Variants in CHODL observed in about 807,000 individuals in gnomAD.
CHODL encodes chondrolectin, also known as transmembrane protein MT75.
Under a neutral mutation model 34.5 loss-of-function variants are expected in CHODL, and 29 were observed. The observed-to-expected ratio is 0.84, with a 90% CI of 0.63 to 1.15. The LOEUF (loss-of-function observed/expected upper bound fraction) is 1.15. Ranked by LOEUF, CHODL falls within the 50% of genes most tolerant of loss-of-function variation. The pLI is 0.00. For missense variants in CHODL, 332 were observed against 332.5 expected (o/e 1.00, Z 0.01); for synonymous variants, 125 against 116.1 (o/e 1.08, Z -0.49).
At chr21:18,193,376 C>T (rs541155645) in intron 2 of CHODL, among the ~76,000 whole-genome samples, 7 of 152,138 alleles carry the variant, frequency 4.6e-5, no homozygotes, top group South Asian at 2.1e-4. Context: ...CAAAGCATTT[C>T]GTAGAAATCA....
intron 2 of CHODL, among the ~76,000 whole-genome samples, chr21:18,062,102 A>T (rs1311178018): frequency 1.3e-5 from 2 of 152,180 alleles, no homozygotes; most frequent in Non-Finnish European, 2.9e-5. Context: ...GAATATAAAA[A>T]GTAAAGAACC....
rs1353551543 is a variant in CHODL at position 18,262,838 on chromosome 21, C to T, written c.682C>T (p.Leu228Phe). The change falls in exon 5 of 6, where the codon CTC (leucine) becomes TTC (phenylalanine). Residue 228 changes from leucine to phenylalanine, a missense_variant. Leu to Phe is a conservative substitution (Grantham distance 22). Transcript: ENST00000299295. ...TGTTGTTATACCAACAATACCCCTG[C>T]TCTTACTGATACTGGTTGCTTTTGG... The part of the protein sequence containing the change: ...IYVVIPTIPL[L>F]LLILVAFGTC... 6.2e-7 allele frequency: 1 copy of T among 1,610,268 alleles called. No individual in the cohort carries two copies. Among genetic ancestry groups the T allele is most frequent in the African/African-American group, 1.3e-5 (1 of 74,826 alleles).
At chr21:17,990,910 A>T (rs2063791922) in intron 1 of CHODL, among the ~76,000 whole-genome samples, 1 of 152,096 alleles carries the variant, frequency 6.6e-6, no homozygotes, top group Non-Finnish European at 1.5e-5. Context: ...ACTAGAACTT[A>T]TTCCTTCTAT....
chr21:18,127,181 G>GTTT, intron 2 of CHODL, among the ~76,000 whole-genome samples: 1 of 150,972 alleles, frequency 6.6e-6, no homozygotes, highest in Non-Finnish European at 1.5e-5. Flanking sequence ...ATGGATATAT[G>GTTT]TTTTTTTTTA....
At chr21:18,097,950 A>T (rs112774008) in intron 2 of CHODL, among the ~76,000 whole-genome samples, 1,969 of 152,236 alleles carry the variant, frequency 0.013, 23 homozygotes, top group Non-Finnish European at 0.022. Flanking sequence ...CAAACATGCC[A>T]AGAAAATTAA....
chr21:18,176,974 T>G (rs1185847510), intron 2 of CHODL, among the ~76,000 whole-genome samples: 1 of 151,936 alleles, frequency 6.6e-6, no homozygotes, highest in African/African-American at 2.4e-5. Context: ...AATTATAGGT[T>G]GTTGGGGTAA....
intron 1 of CHODL, among the ~76,000 whole-genome samples, chr21:18,004,482 A>T (rs921046240): frequency 6.6e-6 from 1 of 152,244 alleles, no homozygotes; most frequent in Non-Finnish European, 1.5e-5. Context: ...TTGCTTGTTG[A>T]CATACCTGAA....
At chr21:18,232,237 A>T (rs2073986480) in intron 2 of CHODL, among the ~76,000 whole-genome samples, 1 of 152,050 alleles carries the variant, frequency 6.6e-6, no homozygotes. Context: ...ATCATTTTCG[A>T]TGTGCTAATT....
chr21:17,943,651 C>T (rs1193877347), intron 1 of CHODL, among the ~76,000 whole-genome samples: 1 of 152,210 alleles, frequency 6.6e-6, no homozygotes, highest in Non-Finnish European at 1.5e-5. Flanking sequence ...AAGTCTGAGA[C>T]ACCAGCGTGC....
chr21:18,031,122 G>C (rs1351133212), intron 2 of CHODL, among the ~76,000 whole-genome samples: 4 of 152,090 alleles, frequency 2.6e-5, no homozygotes, highest in African/African-American at 9.7e-5. Context: ...CGGAAACTCA[G>C]AATTGGTCTG....
At chr21:18,106,685 C>A (rs549457038) in intron 2 of CHODL, among the ~76,000 whole-genome samples, 1 of 151,864 alleles carries the variant, frequency 6.6e-6, no homozygotes, top group South Asian at 2.1e-4. Flanking sequence ...TATGTAGAGA[C>A]GCGGTTTCAC....
In CHODL at chr21:17,949,310, T is replaced by C. The variant is rs1027543299; in HGVS notation, c.-145+31910T>C. 1.6e-4 allele frequency among the ~76,000 whole-genome samples: 25 copies of C among 152,216 alleles called. 1 individual carries two copies. Among genetic ancestry groups the C allele is most frequent in the African/African-American group, 6.0e-4 (25 of 41,450 alleles). Reference sequence around the variant, plus strand: ...TGAGTGAGAAGTATAAAAGTGTATCTACTGGAAATGCAAGCTAATTATGTC... The same window carrying C: ...TGAGTGAGAAGTATAAAAGTGTATCCACTGGAAATGCAAGCTAATTATGTC... On this transcript the variant is annotated intron_variant, in intron 1 of 6. Coordinates refer to the CHODL transcript ENST00000400127.
chr21:18,084,427 T>C (rs937453977), intron 2 of CHODL, among the ~76,000 whole-genome samples: 3 of 152,246 alleles, frequency 2.0e-5, no homozygotes, highest in African/African-American at 7.2e-5. Context: ...CTTTTAGCAC[T>C]GCTTTTGCTG....
At chr21:18,042,134 G>A (rs1187257937) in intron 2 of CHODL, among the ~76,000 whole-genome samples, 1 of 151,784 alleles carries the variant, frequency 6.6e-6, no homozygotes, top group African/African-American at 2.4e-5. Context: ...AAATGTAAAT[G>A]TTCCACTGAA....
chr21:18,188,894 T>C (rs1431203269), intron 2 of CHODL, among the ~76,000 whole-genome samples: 1 of 152,246 alleles, frequency 6.6e-6, no homozygotes, highest in Non-Finnish European at 1.5e-5. Context: ...CATAATTGTT[T>C]TGAGATAATT....
chr21:18,112,740 C>T (rs1223245229), intron 2 of CHODL, among the ~76,000 whole-genome samples: 1 of 152,164 alleles, frequency 6.6e-6, no homozygotes, highest in Non-Finnish European at 1.5e-5. Context: ...AGACCCCTAT[C>T]TCTCACCATA....
At chr21:17,988,429 G>A (rs2063771446) in intron 1 of CHODL, among the ~76,000 whole-genome samples, 1 of 128,006 alleles carries the variant, frequency 7.8e-6, no homozygotes, top group African/African-American at 3.1e-5. Context: ...TTAAGTTTTA[G>A]GGTACATGTG....
At chr21:18,144,283 A>AT (rs1198368426) in intron 2 of CHODL, among the ~76,000 whole-genome samples, 3 of 152,048 alleles carry the variant, frequency 2.0e-5, no homozygotes, top group Non-Finnish European at 2.9e-5. Context: ...CTTATAGAAC[A>AT]TTTTTTCTGT....
At chr21:18,003,653 T>G (rs1214827515) in intron 1 of CHODL, among the ~76,000 whole-genome samples, 2 of 152,128 alleles carry the variant, frequency 1.3e-5, no homozygotes, top group African/African-American at 4.8e-5. Context: ...AGAGAAACAT[T>G]TTATTTGTGT....
Sources: allele counts gnomAD v4.1 joint callset (sites outside exome capture counted in the v4.1 genomes callset), GRCh38; gene constraint gnomAD v4.1.1; transcripts MANE v1.5; gene names NCBI Gene and HGNC (gene_info 2026-07-23, HGNC 2026-07-21).